The following ARHGAP39 variants were observed in gnomAD, a reference collection of about 807,000 sequenced individuals.
ARHGAP39 encodes rho GTPase-activating protein 39.
Under a neutral mutation model 106.9 loss-of-function variants are expected in ARHGAP39, and 44 were observed. That is an observed-to-expected ratio of 0.41 (90% CI 0.32 to 0.53). The LOEUF (loss-of-function observed/expected upper bound fraction) is 0.53, where lower values mean the gene tolerates loss of function less well. Ranked by LOEUF, ARHGAP39 falls within the 20% of genes least tolerant of loss-of-function variation. The pLI, the probability that ARHGAP39 is intolerant of heterozygous loss-of-function variation, is 0.21. For missense variants in ARHGAP39, 1,496 were observed against 1,577.3 expected (o/e 0.95, Z 0.87); for synonymous variants, 768 against 693.2 (o/e 1.11, Z -1.69).
At chr8:144,533,787 G>A (rs957615438) in intron 8 of ARHGAP39, among the ~76,000 whole-genome samples, 1 of 152,218 alleles carries the variant, frequency 6.6e-6, no homozygotes, top group African/African-American at 2.4e-5. Flanking sequence ...GGGGTATGAT[G>A]GGAGCAGCGC....
intron 1 of ARHGAP39, among the ~76,000 whole-genome samples, chr8:144,621,775 G>A (rs555879478): frequency 8.5e-5 from 13 of 152,288 alleles, no homozygotes; most frequent in Non-Finnish European, 1.6e-4. Context: ...CCAAGATATC[G>A]CCACTGCACT....
intron 3 of ARHGAP39, among the ~76,000 whole-genome samples, chr8:144,562,284 G>A (rs1331180843): frequency 4.1e-5 from 6 of 144,786 alleles, no homozygotes; most frequent in African/African-American, 7.8e-5. Context: ...GGTTTCCATC[G>A]TGCTCCAGTG....
At chr8:144,633,717 T>G (rs1465604935) in intron 1 of ARHGAP39, among the ~76,000 whole-genome samples, 1 of 152,164 alleles carries the variant, frequency 6.6e-6, no homozygotes, top group Non-Finnish European at 1.5e-5. Flanking sequence ...GATAGAGTCT[T>G]GCTCTGTCAC....
intron 1 of ARHGAP39, among the ~76,000 whole-genome samples, chr8:144,649,995 C>T (rs1439266932): frequency 6.6e-6 from 1 of 151,542 alleles, no homozygotes; most frequent in African/African-American, 2.4e-5. Context: ...ATACAAAAAC[C>T]AGCCGGGCAT....
chr8:144,550,726 A>T (rs1817659562), intron 4 of ARHGAP39, among the ~76,000 whole-genome samples: 1 of 152,162 alleles, frequency 6.6e-6, no homozygotes. Flanking sequence ...GCTGCTGGAG[A>T]CTGCTCCCAG....
chr8:144,533,852 A>G (rs1816833371), intron 8 of ARHGAP39, among the ~76,000 whole-genome samples: 2 of 151,938 alleles, frequency 1.3e-5, no homozygotes, highest in Non-Finnish European at 2.9e-5. Context: ...AGGTCCAGGG[A>G]ACGGGGTCCT....
intron 1 of ARHGAP39, among the ~76,000 whole-genome samples, chr8:144,619,395 C>T (rs912998966): frequency 3.5e-5 from 5 of 144,192 alleles, no homozygotes; most frequent in African/African-American, 1.2e-4. Flanking sequence ...AGTGTGTGCC[C>T]ATGTGCGTGT....
At chr8:144,544,870 C>T (rs190533119) in intron 6 of ARHGAP39, among the ~76,000 whole-genome samples, 25 of 152,382 alleles carry the variant, frequency 1.6e-4, no homozygotes, top group Admixed American at 3.3e-4. Flanking sequence ...CTCTAGGTCA[C>T]GGATGGCAGA....
At chr8:144,642,899 G>T (rs2130989511) in intron 1 of ARHGAP39, among the ~76,000 whole-genome samples, 1 of 152,272 alleles carries the variant, frequency 6.6e-6, no homozygotes, top group East Asian at 1.9e-4. Flanking sequence ...TGTGATCTCA[G>T]CTACTTGGGA....
At chr8:144,532,595 C>T (rs932510832) in intron 9 of ARHGAP39, among the ~76,000 whole-genome samples, 199 bp from the exon 10 acceptor site, 4 of 152,270 alleles carry the variant, frequency 2.6e-5, no homozygotes, top group South Asian at 4.1e-4. Context: ...CACACACCTG[C>T]GTCCGAGTGT....
intron 3 of ARHGAP39, among the ~76,000 whole-genome samples, chr8:144,568,611 A>G (rs1818483295): frequency 6.6e-6 from 1 of 152,212 alleles, no homozygotes; most frequent in Non-Finnish European, 1.5e-5. Flanking sequence ...ACAATGTATT[A>G]AGACATTGAT....
intron 3 of ARHGAP39, among the ~76,000 whole-genome samples, chr8:144,580,456 A>T: frequency 6.6e-6 from 1 of 152,222 alleles, no homozygotes; most frequent in Non-Finnish European, 1.5e-5. Flanking sequence ...GCTGAGCGCC[A>T]GGCTCTGCTG....
rs756929291 is a variant in ARHGAP39, at chr8:144,534,141, G to A, written c.2676C>T (p.Thr892=). Residue 892 remains threonine, a synonymous_variant, in exon 8 of 12, where the codon ACC becomes ACT. Transcript: ENST00000377307. ...CYHKLQKAAL[T]GAKKGLKKPN... Reference sequence around the variant, plus strand: ...GGCGCACCCGTACCTTCTTGGCCCCGGTCAGGGCTGCCTTCTGTAGCTTGT... The same window carrying A: ...GGCGCACCCGTACCTTCTTGGCCCCAGTCAGGGCTGCCTTCTGTAGCTTGT... 3.3e-5 allele frequency: 53 copies of A among 1,612,946 alleles called. No individual in the cohort carries two copies. The highest frequency in any genetic ancestry group is 1.1e-4 in the African/African-American group (8 of 74,898).
chr8:144,662,642 C>G (rs1418165167), intron 1 of ARHGAP39, among the ~76,000 whole-genome samples: 2 of 150,438 alleles, frequency 1.3e-5, no homozygotes, highest in Non-Finnish European at 3.0e-5. Flanking sequence ...TCCCCATTAT[C>G]CACCTTGGAT....
chr8:144,581,368 C>T (rs1043860562), intron 2 of ARHGAP39, 91 bp from the exon 3 acceptor site: 7 of 1,334,648 alleles, frequency 5.2e-6, no homozygotes, highest in Non-Finnish European at 4.1e-6. Context: ...GCCCCAGCTG[C>T]GAAACCCAGA....
intron 3 of ARHGAP39, among the ~76,000 whole-genome samples, chr8:144,576,761 C>T (rs1818793463): frequency 6.6e-6 from 1 of 152,176 alleles, no homozygotes; most frequent in South Asian, 2.1e-4. Context: ...ACAGCACAGG[C>T]TCTTGAGGGA....
At position 144,545,749 on chromosome 8, in the gene ARHGAP39, G is replaced by A; in HGVS notation, c.2021C>T (p.Pro674Leu). The A allele has an allele frequency of 6.2e-7, 1 of 1,609,676 alleles. No homozygotes were observed. Among genetic ancestry groups the A allele is most frequent in the Non-Finnish European group, 8.5e-7 (1 of 1,178,632 alleles). The change falls in exon 6 of 12, where the codon CCC becomes CTC. Residue 674 changes from proline (P) to leucine (L), a missense_variant. Physicochemically the swap from Pro to Leu is moderately conservative, Grantham distance 98 (BLOSUM62 -3). Transcript: ENST00000377307. ...AGTGGGGAAGACGCAGCTGGAGCTGGGAACGCCGCTGCGGCTCTGCCGGCT... is the reference window on the plus strand; with the variant it reads ...AGTGGGGAAGACGCAGCTGGAGCTGAGAACGCCGCTGCGGCTCTGCCGGCT... ...ESSRQSRSGV[P>L]SSSCVFPTFT...
At chr8:144,697,711 C>T in the ARHGAP39 span, among the ~76,000 whole-genome samples, 12 of 152,052 alleles carry the variant, frequency 7.9e-5, 1 homozygote, top group South Asian at 6.2e-4. Flanking sequence ...AGGCTGGTCT[C>T]GAACTCCTGA....
chr8:144,569,711 G>T (rs1411664678), intron 3 of ARHGAP39, among the ~76,000 whole-genome samples: 1 of 152,252 alleles, frequency 6.6e-6, no homozygotes, highest in African/African-American at 2.4e-5. Context: ...TAATTGTGGT[G>T]ATGGTCATGG....
Sources: allele counts gnomAD v4.1 joint callset (sites outside exome capture counted in the v4.1 genomes callset), GRCh38; gene constraint gnomAD v4.1.1; transcripts MANE v1.5; gene names NCBI Gene and HGNC (gene_info 2026-07-23, HGNC 2026-07-21).